IFIT5: variants seen among roughly 807,000 people sequenced by gnomAD.
IFIT5 encodes interferon induced protein with tetratricopeptide repeats 5, also known as interferon-induced protein with tetratricopeptide repeats 5.
In IFIT5, 2 loss-of-function variants were observed where a neutral mutation model predicts 5.0. The observed-to-expected ratio is 0.40, with a 90% CI of 0.16 to 1.26. The LOEUF (loss-of-function observed/expected upper bound fraction) is 1.26. Among genes scored for constraint, IFIT5 ranks in the 50% most tolerant of loss-of-function variants. The pLI is 0.33. For missense variants in IFIT5, 524 were observed against 563.2 expected, an observed-to-expected ratio of 0.93 and a Z score of 0.70; for synonymous variants, 206 against 204.6, an observed-to-expected ratio of 1.01 and a Z score of -0.06.
At position 89,417,580 on chromosome 10, in the gene IFIT5, G is replaced by C; in HGVS notation, c.381G>C (p.Leu127Phe). The change falls in exon 2 of 2, where the codon TTG becomes TTC. Residue 127 changes from leucine to phenylalanine, a missense_variant. Physicochemically the swap from Leu to Phe is conservative, Grantham distance 22. Coordinates refer to ENST00000371795, the MANE Select transcript of IFIT5 (RefSeq NM_012420.3). ...AGATAGGGAATGTCTGTAAGAAATT[G>C]TCCAGTCCTTCTAACTACAAGTTGG... ...TGKIGNVCKK[L>F]SSPSNYKLEC... 6.2e-7 allele frequency: 1 copy of C among 1,614,230 alleles called. No individual in the cohort carries two copies. Among genetic ancestry groups the C allele is most frequent in the Non-Finnish European group, 8.5e-7 (1 of 1,180,044 alleles).
chr10:89,416,588 C>T (rs1211155044), intron 1 of IFIT5, among the ~76,000 whole-genome samples: 1 of 152,248 alleles, frequency 6.6e-6, no homozygotes. Context: ...CAAACCACGT[C>T]AGTACCTGAT....
Position 89,418,313 on chromosome 10 carries a change from G to A in IFIT5, c.1114G>A (p.Asp372Asn), listed in dbSNP as rs758943990. ...RKALRLENIT[D>N]DHKHQIHYHY... Reference sequence around the variant, plus strand: ...AGCTCTTCGTCTGGAGAACATAACCGATGATCACAAACATCAGATCCATTA... The same window carrying A: ...AGCTCTTCGTCTGGAGAACATAACCAATGATCACAAACATCAGATCCATTA... The change falls in exon 2 of 2, where the codon GAT becomes AAT. Residue 372 changes from aspartate (D) to asparagine (N), a missense_variant. Coordinates refer to ENST00000371795, the MANE Select transcript of IFIT5 (RefSeq NM_012420.3). 28 of 1,614,012 alleles carry A rather than the reference G, an allele frequency of 1.7e-5. No homozygotes were observed. The South Asian group carries it at 1.8e-4, about 10-fold the overall frequency.
chr10:89,417,832 C>T lies in IFIT5; in HGVS notation c.633C>T (p.Asn211=). The change falls in exon 2 of 2, where the codon AAC becomes AAT. Residue 211 remains asparagine (N), a synonymous_variant. Coordinates refer to ENST00000371795, the MANE Select transcript of IFIT5 (RefSeq NM_012420.3). ...CTTTGAGAAAGGCTGTTACCCTGAA[C>T]CCAGATAACAGCTATATTAAGGTTT... ...LGPLRKAVTL[N]PDNSYIKVFL... The T allele has an allele frequency of 6.2e-7, 1 of 1,614,124 alleles. No homozygotes were observed. The highest frequency in any genetic ancestry group is 1.1e-5 in the South Asian group (1 of 91,080).
At position 89,417,256 on chromosome 10, in the gene IFIT5, T is replaced by C. The variant is rs1038937853; in HGVS notation, c.57T>C (p.His19=). 8.7e-6 allele frequency: 14 copies of C among 1,612,290 alleles called. No individual in the cohort carries two copies. The highest frequency in any genetic ancestry group is 4.4e-5 in the South Asian group (4 of 90,986). The change falls in exon 2 of 2, where the codon CAT becomes CAC. Residue 19 remains histidine (H), a synonymous_variant. Transcript: ENST00000371795. ...CCATTCTGTTGGAGTTAGAATGTCATTTTACATGGAATTTACTTAAGGAAG... is the reference window on the plus strand; with the variant it reads ...CCATTCTGTTGGAGTTAGAATGTCACTTTACATGGAATTTACTTAAGGAAG... ...LKAILLELEC[H]FTWNLLKEDI...
chr10:89,414,702 CG>C lies in IFIT5; in HGVS notation c.-96del. 7 of 1,469,718 alleles carry C rather than the reference CG, an allele frequency of 4.8e-6. No individual in the cohort carries two copies. In the South Asian group the frequency reaches 9.1e-5, roughly 19 times the overall value. 91.0% of individuals were successfully genotyped at this position (1,469,718 alleles called of 1,614,324 possible). On this transcript the variant is annotated 5_prime_UTR_variant, in exon 1 of 2. Coordinates refer to ENST00000371795, the MANE Select transcript of IFIT5 (RefSeq NM_012420.3). The stretch of plus-strand genomic sequence containing the variant: ...GAGGCCTGGCGCGCGCACGCGCACG[CG>C]CACGCCCACCGCGCGGCTTCCCGCG...
At position 89,417,699 on chromosome 10, in the gene IFIT5, TG is replaced by T. The variant is rs1399847219; in HGVS notation, c.502del (p.Glu168LysfsTer29). 2 of 1,614,220 alleles carry T rather than the reference TG, an allele frequency of 1.2e-6. No individual in the cohort carries two copies. The highest frequency in any genetic ancestry group is 8.5e-7 in the Non-Finnish European group (1 of 1,180,038). On this transcript the variant is annotated frameshift_variant, in exon 2 of 2. Transcript: ENST00000371795. LOFTEE classifies it low-confidence loss of function (END_TRUNC). ...QKAKAAFEKALEVEPDNPEFN... is the reference protein window; with the variant it reads ...QKAKAAFEKAXEVEPDNPEFN... ...GCTAAAGCGGCTTTTGAGAAGGCTCTGGAAGTGGAGCCTGACAATCCAGAAT... is the reference window on the plus strand; with the variant it reads ...GCTAAAGCGGCTTTTGAGAAGGCTCTGAAGTGGAGCCTGACAATCCAGAAT...
intron 1 of IFIT5, among the ~76,000 whole-genome samples, chr10:89,415,176 C>T (rs1841522166): frequency 6.6e-6 from 1 of 152,218 alleles, no homozygotes; most frequent in Non-Finnish European, 1.5e-5. Flanking sequence ...AAGGCCTGTC[C>T]ACCCATCGCG....
chr10:89,418,725 T>C lies in IFIT5; in HGVS notation c.*77T>C, dbSNP rs1267426769. The C allele has an allele frequency of 7.2e-7, 1 of 1,389,326 alleles. No individual in the cohort carries two copies. Among genetic ancestry groups the C allele is most frequent in the Non-Finnish European group, 9.8e-7 (1 of 1,022,372 alleles). 86.1% of individuals were successfully genotyped at this position (1,389,326 alleles called of 1,614,324 possible). A position where few individuals can be genotyped will look rare whatever the true frequency, so the allele number is the denominator to read the frequency against. On this transcript the variant is annotated 3_prime_UTR_variant, in exon 2 of 2. Coordinates refer to ENST00000371795, the MANE Select transcript of IFIT5 (RefSeq NM_012420.3). ...CCTGTTTGTTTTTTTTTTATTATTT[T>C]AATCCCTTGTTTATTATAGAGCTAA...
At position 89,418,002 on chromosome 10, in the gene IFIT5, C is replaced by T; in HGVS notation, c.803C>T (p.Ala268Val). The T allele has an allele frequency of 6.2e-7, 1 of 1,614,186 alleles. No individual in the cohort carries two copies. Among genetic ancestry groups the T allele is most frequent in the South Asian group, 1.1e-5 (1 of 91,072 alleles). ...FYRRKNSWNK[A>V]LELLKKALEV... The stretch of plus-strand genomic sequence containing the variant: ...AGGAGAAAAAATTCCTGGAACAAAG[C>T]TCTCGAACTTTTAAAAAAGGCCTTG... Residue 268 changes from alanine (A) to valine (V), a missense_variant, in exon 2 of 2, where the codon GCT becomes GTT. Physicochemically the swap from Ala to Val is moderately conservative, Grantham distance 64. Coordinates refer to ENST00000371795, the MANE Select transcript of IFIT5 (RefSeq NM_012420.3).
chr10:89,418,823 G>T lies in IFIT5; in HGVS notation c.*175G>T. 1 of 541,140 alleles carries T rather than the reference G, an allele frequency of 1.8e-6. No individual in the cohort carries two copies. The highest frequency in any genetic ancestry group is 3.0e-6 in the Non-Finnish European group (1 of 336,328). The allele number at this position is 541,140 out of a possible 1,614,324, so 33.5% of individuals were successfully genotyped here. A position where few individuals can be genotyped will look rare whatever the true frequency, so the allele number is the denominator to read the frequency against. On this transcript the variant is annotated 3_prime_UTR_variant, in exon 2 of 2. Transcript: ENST00000371795. ...ATATGCATTATGATGAATCTTGTGC[G>T]GTTTTCTTTCTTTTTTTCTTTTTAA...
chr10:89,415,348 A>G (rs1401412812), intron 1 of IFIT5, among the ~76,000 whole-genome samples: 1 of 152,062 alleles, frequency 6.6e-6, no homozygotes, highest in Non-Finnish European at 1.5e-5. Flanking sequence ...CTCTCTTTCC[A>G]GCTGCCATTC....
rs928366244 is a variant in IFIT5, at chr10:89,417,527, C to G, written c.328C>G (p.Leu110Val). The G allele has an allele frequency of 6.2e-7, 1 of 1,614,182 alleles. No homozygotes were observed. The highest frequency in any genetic ancestry group is 8.5e-7 in the Non-Finnish European group (1 of 1,180,012). ...CTGGGTGTATTATCACATGGACCAG[C>G]TTGAAGAAGCTCAGAAGTATACAGG... is the stretch of plus-strand genomic sequence containing the variant. Reference protein sequence around the residue: ...YAWVYYHMDQLEEAQKYTGKI... With the variant: ...YAWVYYHMDQVEEAQKYTGKI... Residue 110 changes from leucine (L) to valine (V), a missense_variant, in exon 2 of 2, where the codon CTT becomes GTT. Coordinates refer to ENST00000371795, the MANE Select transcript of IFIT5 (RefSeq NM_012420.3).
In IFIT5 at chr10:89,418,150, T is replaced by C; in HGVS notation, c.951T>C (p.Asp317=). The C allele has an allele frequency of 6.2e-7, 1 of 1,614,244 alleles. No homozygotes were observed. The highest frequency in any genetic ancestry group is 2.2e-5 in the East Asian group (1 of 44,892). ...AAGGAAAGGATAAACTAAAGGTTGA[T>C]GAGCTGATTTCATCTGCTATATTTC... ...RPKGKDKLKV[D]ELISSAIFHF... is the part of the protein sequence containing the mutation. The change falls in exon 2 of 2, where the codon GAT becomes GAC. Residue 317 remains aspartate, a synonymous_variant. Coordinates refer to ENST00000371795, the MANE Select transcript of IFIT5 (RefSeq NM_012420.3).
rs770196223 is a variant in IFIT5, at chr10:89,417,825, C to T, written c.626C>T (p.Thr209Ile). 6.2e-7 allele frequency: 1 copy of T among 1,614,010 alleles called. No homozygotes were observed. Among genetic ancestry groups the T allele is most frequent in the African/African-American group, 1.3e-5 (1 of 74,890 alleles). The change falls in exon 2 of 2, where the codon ACC becomes ATC. Residue 209 changes from threonine (T) to isoleucine (I), a missense_variant. By Grantham distance (89) the Thr-to-Ile change is moderately conservative (BLOSUM62 -1). Coordinates refer to ENST00000371795, the MANE Select transcript of IFIT5 (RefSeq NM_012420.3). ...CTGGGGCCTTTGAGAAAGGCTGTTA[C>T]CCTGAACCCAGATAACAGCTATATT... ...FSLGPLRKAV[T>I]LNPDNSYIKV...
In IFIT5 at chr10:89,414,650, G is replaced by C. The variant is rs1325762499; in HGVS notation, c.-149G>C. On this transcript the variant is annotated 5_prime_UTR_variant, in exon 1 of 2. Transcript: ENST00000371795. Reference sequence around the variant, plus strand: ...GGGGTCTCTCCTTTAACAAAGACACGCCGCGCGGCCGAGTCCAGGGGCTGC... The same window carrying C: ...GGGGTCTCTCCTTTAACAAAGACACCCCGCGCGGCCGAGTCCAGGGGCTGC... 5.2e-6 allele frequency: 4 copies of C among 766,400 alleles called. No individual in the cohort carries two copies. The highest frequency in any genetic ancestry group is 7.7e-6 in the Non-Finnish European group (4 of 521,034). 47.5% of individuals were successfully genotyped at this position (766,400 alleles called of 1,614,324 possible).
chr10:89,418,475 A>T lies in IFIT5; in HGVS notation c.1276A>T (p.Lys426Ter). 2 of 1,614,206 alleles carry T rather than the reference A, an allele frequency of 1.2e-6. No homozygotes were observed. Among genetic ancestry groups the T allele is most frequent in the Non-Finnish European group, 1.7e-6 (2 of 1,180,014 alleles). The change falls in exon 2 of 2, where the codon AAG (lysine) becomes TAG (stop). Residue 426 changes from lysine (K) to a stop codon, truncating the protein, a stop_gained. Transcript: ENST00000371795. LOFTEE classifies it low-confidence loss of function (END_TRUNC). ...LTSALKKLST[K>*]RLCHNALDVQ... ...AAGTGCTCTGAAGAAATTGTCTACC[A>T]AGAGACTTTGTCACAATGCTTTAGA... is the stretch of plus-strand genomic sequence containing the variant.
chr10:89,418,527 T>G lies in IFIT5; in HGVS notation c.1328T>G (p.Phe443Cys). The stretch of plus-strand genomic sequence containing the variant: ...GTGCAGAGTTTAAGTGCCCTAGGGT[T>G]TGTTTACAAGCTGGAAGGAGAAAAG... Reference protein sequence around the residue: ...LDVQSLSALGFVYKLEGEKRQ... With the variant: ...LDVQSLSALGCVYKLEGEKRQ... Residue 443 changes from phenylalanine to cysteine, a missense_variant, in exon 2 of 2, where the codon TTT (phenylalanine) becomes TGT (cysteine). Phe to Cys is a radical substitution (Grantham distance 205). Coordinates refer to ENST00000371795, the MANE Select transcript of IFIT5 (RefSeq NM_012420.3). 2 of 1,614,180 alleles carry G rather than the reference T, an allele frequency of 1.2e-6. No individual in the cohort carries two copies. The highest frequency in any genetic ancestry group is 1.7e-6 in the Non-Finnish European group (2 of 1,180,002).
rs1199972998 is a variant in IFIT5 at position 89,418,686 on chromosome 10, T to G, written c.*38T>G. 1 of 1,542,428 alleles carries G rather than the reference T, an allele frequency of 6.5e-7. No individual in the cohort carries two copies. Among genetic ancestry groups the G allele is most frequent in the Admixed American group, 2.2e-5 (1 of 46,178 alleles). On this transcript the variant is annotated 3_prime_UTR_variant, in exon 2 of 2. Transcript: ENST00000371795. ...GGAAATTAGCTCTAAGTTTTTCCCTTCATTTTGGGTTCTCCTGTTTGTTTT... is the reference window on the plus strand; with the variant it reads ...GGAAATTAGCTCTAAGTTTTTCCCTGCATTTTGGGTTCTCCTGTTTGTTTT...
In IFIT5 at chr10:89,414,654, C is replaced by T; in HGVS notation, c.-145C>T. On this transcript the variant is annotated 5_prime_UTR_variant, in exon 1 of 2. Coordinates refer to ENST00000371795, the MANE Select transcript of IFIT5 (RefSeq NM_012420.3). ...TCTCTCCTTTAACAAAGACACGCCG[C>T]GCGGCCGAGTCCAGGGGCTGCAGAG... 1.2e-6 allele frequency: 1 copy of T among 804,384 alleles called. No individual in the cohort carries two copies. Among genetic ancestry groups the T allele is most frequent in the South Asian group, 2.1e-5 (1 of 46,758 alleles). 49.8% of individuals were successfully genotyped at this position (804,384 alleles called of 1,614,324 possible).
Sources: gnomAD v4.1 joint callset for allele counts (sites outside exome capture counted in the v4.1 genomes callset) on GRCh38, gnomAD v4.1.1 for gene constraint, MANE v1.5 for transcripts, NCBI Gene and HGNC (gene_info 2026-07-23, HGNC 2026-07-21) for gene names.